The following KCNMA1 variants were observed in gnomAD, a reference collection of about 807,000 sequenced individuals.
The protein encoded by KCNMA1 is potassium calcium-activated channel subfamily M alpha 1.
KCNMA1 carries 29 observed loss-of-function variants against 140.0 expected under a neutral mutation model. The ratio of observed to expected loss-of-function variants is 0.21; its 90% CI spans 0.15 to 0.28. The LOEUF is 0.28. Among genes scored for constraint, KCNMA1 ranks in the 10% least tolerant of loss-of-function variants. KCNMA1 has a pLI of 1.00. For missense variants in KCNMA1, 880 were observed against 1,602.2 expected (o/e 0.55, Z 7.70); for synonymous variants, 612 against 611.9 (o/e 1.00, Z 0.00).
intron 20 of KCNMA1, among the ~76,000 whole-genome samples, chr10:76,956,848 C>T (rs1357463342): frequency 6.6e-6 from 1 of 152,072 alleles, no homozygotes; most frequent in South Asian, 2.1e-4. Context: ...TTGGGCCGGG[C>T]GTGGTGGCTC....
chr10:77,301,073 A>G (rs141571130), intron 2 of KCNMA1, among the ~76,000 whole-genome samples: 45 of 152,216 alleles, frequency 3.0e-4, no homozygotes, highest in Middle Eastern at 3.4e-3. Flanking sequence ...AATCCCCTCA[A>G]TCCCTGCAGC....
intron 3 of KCNMA1, among the ~76,000 whole-genome samples, chr10:77,204,653 T>C (rs1030138043): frequency 2.0e-5 from 3 of 152,186 alleles, no homozygotes; most frequent in Non-Finnish European, 4.4e-5. Flanking sequence ...TGAGGTCAAC[T>C]CATTCTCTGA....
chr10:77,251,115 T>C, intron 3 of KCNMA1, 80 bp downstream of exon 3: 1 of 1,131,016 alleles, frequency 8.8e-7, no homozygotes, highest in Non-Finnish European at 1.3e-6. Context: ...AAGGTTGGTG[T>C]CAAGGTAAAT....
At chr10:77,601,324 C>T (rs191881072) in intron 1 of KCNMA1, among the ~76,000 whole-genome samples, 24 of 152,250 alleles carry the variant, frequency 1.6e-4, no homozygotes, top group Non-Finnish European at 2.8e-4. Flanking sequence ...GTGAAAAGGA[C>T]GGACGATCTC....
intron 2 of KCNMA1, among the ~76,000 whole-genome samples, chr10:77,316,360 A>G (rs1449256281): frequency 6.6e-6 from 1 of 152,212 alleles, no homozygotes; most frequent in African/African-American, 2.4e-5. Context: ...AAATGTCCTC[A>G]GGTTTGGGAA....
intron 5 of KCNMA1, among the ~76,000 whole-genome samples, chr10:77,127,612 G>GGGAGAGAA (rs532755165): frequency 6.6e-6 from 1 of 151,494 alleles, no homozygotes; most frequent in Non-Finnish European, 1.5e-5. Flanking sequence ...AAGGCAAGAA[G>GGGAGAGAA]GGAGAGAAGG....
At chr10:77,563,773 G>A (rs3851041) in intron 1 of KCNMA1, among the ~76,000 whole-genome samples, 139,074 of 152,128 alleles carry the variant, frequency 0.91, 63,714 homozygotes, top group South Asian at 0.97. Context: ...AGGCCCAGGG[G>A]GGAGTCCACA....
chr10:77,157,522 ATATGTT>A (rs531344444), intron 5 of KCNMA1, among the ~76,000 whole-genome samples: 2 of 152,158 alleles, frequency 1.3e-5, no homozygotes, highest in Non-Finnish European at 2.9e-5. Flanking sequence ...TCTTAAATGA[ATATGTT>A]GAGTTTTTTA....
chr10:77,551,764 AAGACTG>A (rs1230162153), intron 1 of KCNMA1, among the ~76,000 whole-genome samples: 4 of 152,276 alleles, frequency 2.6e-5, no homozygotes, highest in African/African-American at 4.8e-5. Flanking sequence ...GCTTGCTGGG[AAGACTG>A]AGACCTTCCA....
intron 14 of KCNMA1, among the ~76,000 whole-genome samples, chr10:77,062,590 C>T (rs1450410811): frequency 6.6e-6 from 1 of 152,188 alleles, no homozygotes; most frequent in African/African-American, 2.4e-5. Flanking sequence ...GCAATACATC[C>T]TCCCACTACA....
intron 1 of KCNMA1, chr10:77,636,476 G>A (rs991519246): frequency 5.7e-5 from 88 of 1,536,074 alleles, no homozygotes; most frequent in Middle Eastern, 1.7e-4. Flanking sequence ...CTCCAGCTCC[G>A]CGCTGCTGGT....
intron 6 of KCNMA1, among the ~76,000 whole-genome samples, chr10:77,115,713 T>C (rs2153905362): frequency 6.6e-6 from 1 of 152,236 alleles, no homozygotes; most frequent in Admixed American, 6.5e-5. Context: ...GTGATATTAG[T>C]AGTGCGTTAG....
At chr10:77,306,384 A>T (rs1257801596) in intron 2 of KCNMA1, among the ~76,000 whole-genome samples, 1 of 152,188 alleles carries the variant, frequency 6.6e-6, no homozygotes, top group Non-Finnish European at 1.5e-5. Flanking sequence ...CCCAAGAAGG[A>T]TGAGTAAGTG....
intron 22 of KCNMA1, among the ~76,000 whole-genome samples, chr10:76,947,120 A>G (rs2064255579): frequency 6.6e-6 from 1 of 152,068 alleles, no homozygotes; most frequent in Non-Finnish European, 1.5e-5. Context: ...GGATCACCTG[A>G]GGTCAGGAGT....
At chr10:77,064,997 G>A (rs2095875641) in intron 14 of KCNMA1, among the ~76,000 whole-genome samples, 1 of 152,160 alleles carries the variant, frequency 6.6e-6, no homozygotes, top group African/African-American at 2.4e-5. Flanking sequence ...CAGTAGCAAA[G>A]AAAGAAGTTT....
chr10:77,017,818 C>T (rs752989842), intron 17 of KCNMA1, among the ~76,000 whole-genome samples: 1 of 152,148 alleles, frequency 6.6e-6, no homozygotes, highest in Non-Finnish European at 1.5e-5. Context: ...CAAGTTGTGC[C>T]TCAGTTTCCT....
rs1387934458 is a variant in KCNMA1 at position 77,187,144 on chromosome 10, A to ATTTG, written c.603-2229_603-2228insCAAA. Among the ~76,000 whole-genome samples, 69 of 152,290 alleles carry ATTTG rather than the reference A, an allele frequency of 4.5e-4. 1 individual carries two copies. Among genetic ancestry groups the ATTTG allele is most frequent in the African/African-American group, 1.6e-3 (65 of 41,570 alleles). On this transcript the variant is annotated intron_variant, in intron 3 of 27. Coordinates refer to ENST00000286628, the MANE Select transcript of KCNMA1 (RefSeq NM_001161352.2). The stretch of plus-strand genomic sequence containing the variant: ...TCTGTGGTTAATTTGGTGGTAACCT[A>ATTTG]GAAATACAGCTAATTGGAAAAGTAT...
intron 1 of KCNMA1, among the ~76,000 whole-genome samples, chr10:77,589,308 T>C: frequency 6.6e-6 from 1 of 152,186 alleles, no homozygotes. Context: ...TTTCTAGGTC[T>C]CAGTTAAAAC....
At chr10:77,438,788 C>G (rs561157838) in intron 1 of KCNMA1, among the ~76,000 whole-genome samples, 1 of 152,076 alleles carries the variant, frequency 6.6e-6, no homozygotes, top group Non-Finnish European at 1.5e-5. Flanking sequence ...TCAAACAAGG[C>G]CGAGTGTAGT....
Sources: gnomAD v4.1 joint callset for allele counts (sites outside exome capture counted in the v4.1 genomes callset) on GRCh38, gnomAD v4.1.1 for gene constraint, MANE v1.5 for transcripts, NCBI Gene and HGNC (gene_info 2026-07-23, HGNC 2026-07-21) for gene names.